Variants in NOX4 observed in about 807,000 individuals in gnomAD.
NOX4 encodes kidney oxidase-1.
NOX4 carries 69 observed loss-of-function variants against 87.6 expected under a neutral mutation model. The observed-to-expected ratio is 0.79, with a 90% CI of 0.65 to 0.96. NOX4 has a LOEUF of 0.96. Ranked by LOEUF, NOX4 falls within the 40% of genes least tolerant of loss-of-function variation. The probability of loss-of-function intolerance (pLI) is 0.00; values close to 1 mark genes in which losing one functional copy is unlikely to be tolerated. For synonymous variants in NOX4, 275 were observed against 238.2 expected (o/e 1.15, Z -1.42); for missense variants, 680 against 681.5 (o/e 1.00, Z 0.02).
chr11:89,485,803 G>A (rs529670207), intron 2 of NOX4, among the ~76,000 whole-genome samples: 11 of 152,048 alleles, frequency 7.2e-5, no homozygotes, highest in Admixed American at 3.9e-4. Flanking sequence ...TGCTTGTTTC[G>A]GTGTTCATTT....
At chr11:89,424,290 A>G (rs1256868857) in intron 7 of NOX4, among the ~76,000 whole-genome samples, 1 of 151,400 alleles carries the variant, frequency 6.6e-6, no homozygotes, top group African/African-American at 2.4e-5. Context: ...TTTATATCCA[A>G]TTACCTTTTC....
rs544844807 is a variant in NOX4 at position 89,405,243 on chromosome 11, T to C, written c.630-2701A>G. Among the ~76,000 whole-genome samples, 3 of 151,772 alleles carry C rather than the reference T, an allele frequency of 2.0e-5. No individual in the cohort carries two copies. The South Asian group carries it at 6.2e-4, about 31-fold the overall frequency. On this transcript the variant is annotated intron_variant, in intron 8 of 17. Coordinates refer to ENST00000263317, the MANE Select transcript of NOX4 (RefSeq NM_016931.5). ...CTCTAGGTCCTTAGAGTAGTGAATG[T>C]TGTTACTATACAGTAAAGTTCTTCA...
At chr11:89,526,285 G>C in the NOX4 span, among the ~76,000 whole-genome samples, 3 of 151,830 alleles carry the variant, frequency 2.0e-5, no homozygotes, top group East Asian at 5.8e-4. Flanking sequence ...CACATTTATG[G>C]GGTACATCTG....
intron 12 of NOX4, among the ~76,000 whole-genome samples, chr11:89,369,607 G>C (rs1367684534): frequency 6.6e-6 from 1 of 152,088 alleles, no homozygotes; most frequent in African/African-American, 2.4e-5. Flanking sequence ...ACAACAAAAA[G>C]AGTACTTCCA....
the NOX4 span, among the ~76,000 whole-genome samples, chr11:89,527,886 G>A: frequency 6.6e-6 from 1 of 152,200 alleles, no homozygotes; most frequent in Non-Finnish European, 1.5e-5. Flanking sequence ...TCTGAGAAGA[G>A]GACCATCATC....
chr11:89,498,469 G>T (rs377766391), upstream of NOX4, among the ~76,000 whole-genome samples: 19 of 152,262 alleles, frequency 1.2e-4, 1 homozygote, highest in East Asian at 3.1e-3. Flanking sequence ...GCTGAAACTT[G>T]TTCACCGAAG....
At chr11:89,393,857 G>A (rs1256048974) in intron 11 of NOX4, among the ~76,000 whole-genome samples, 1 of 152,108 alleles carries the variant, frequency 6.6e-6, no homozygotes, top group East Asian at 1.9e-4. Flanking sequence ...TAAAATCCTT[G>A]CCCTTTGTCT....
chr11:89,503,033 A>C (rs987786369), upstream of NOX4, among the ~76,000 whole-genome samples: 1 of 152,048 alleles, frequency 6.6e-6, no homozygotes, highest in African/African-American at 2.4e-5. Context: ...TAAATGAAAA[A>C]TACCCTTTAT....
At chr11:89,581,622 A>G in the NOX4 span, among the ~76,000 whole-genome samples, 13 of 152,152 alleles carry the variant, frequency 8.5e-5, no homozygotes, top group Non-Finnish European at 1.5e-4. Flanking sequence ...GGAAGGGACA[A>G]GGGAAGGAAT....
the NOX4 span, among the ~76,000 whole-genome samples, chr11:89,559,763 C>T: frequency 6.6e-6 from 1 of 151,968 alleles, no homozygotes; most frequent in Non-Finnish European, 1.5e-5. Flanking sequence ...TAACAATTGA[C>T]CCTCAGGAGC....
intron 7 of NOX4, among the ~76,000 whole-genome samples, chr11:89,431,798 C>G (rs1340408800): frequency 2.6e-5 from 4 of 152,138 alleles, no homozygotes; most frequent in African/African-American, 7.2e-5. Flanking sequence ...TGTGGCGATT[C>G]CTCAGGGATC....
In NOX4 at chr11:89,326,794, C is replaced by T; in HGVS notation, c.1699G>A (p.Gly567Arg). 6.2e-7 allele frequency: 1 copy of T among 1,613,362 alleles called. No homozygotes were observed. The highest frequency in any genetic ancestry group is 8.5e-7 in the Non-Finnish European group (1 of 1,179,552). ...TCTTTATTGTATTCAAATCTTGTCC[C>T]ATATGAGTTGTTCTGGTTACTCAGT... ...HKLSNQNNSY[G>R]TRFEYNKESF... is the part of the protein sequence containing the mutation. The change falls in exon 18 of 18, where the codon GGG becomes AGG. Residue 567 changes from glycine to arginine, a missense_variant. By Grantham distance (125) the Gly-to-Arg change is moderately radical (BLOSUM62 -2). Coordinates refer to ENST00000263317, the MANE Select transcript of NOX4 (RefSeq NM_016931.5).
chr11:89,392,337 C>A (rs1301288890), intron 11 of NOX4, among the ~76,000 whole-genome samples: 3 of 152,046 alleles, frequency 2.0e-5, no homozygotes, highest in African/African-American at 7.2e-5. Context: ...GAGTGAAGGC[C>A]CGGGGTGAGA....
intron 13 of NOX4, among the ~76,000 whole-genome samples, chr11:89,348,755 G>T (rs556424556): frequency 6.6e-6 from 1 of 151,920 alleles, no homozygotes; most frequent in African/African-American, 2.4e-5. Flanking sequence ...ATCCCTCAAT[G>T]ACCCACCACT....
the NOX4 span, among the ~76,000 whole-genome samples, chr11:89,570,058 T>C: frequency 6.6e-5 from 10 of 151,090 alleles, no homozygotes; most frequent in East Asian, 5.8e-4. Context: ...GACACATTAA[T>C]GCATATGTTT....
intron 11 of NOX4, among the ~76,000 whole-genome samples, chr11:89,378,338 G>A (rs1220748498): frequency 6.6e-6 from 1 of 151,846 alleles, no homozygotes; most frequent in African/African-American, 2.4e-5. Flanking sequence ...CATTTCTTAG[G>A]TTGAATCCCA....
rs537817192 is a variant in NOX4, at chr11:89,490,270, G to C, written c.153+188C>G. On this transcript the variant is annotated intron_variant, in intron 2 of 17. Coordinates refer to ENST00000263317, the MANE Select transcript of NOX4 (RefSeq NM_016931.5). ...CAGATATTACCTTTGGTTCTTGAGA[G>C]AGTCAATCTTTTTAACTTGTACAAG... 2.6e-5 allele frequency among the ~76,000 whole-genome samples: 4 copies of C among 152,330 alleles called. No homozygotes were observed. In the East Asian group the frequency reaches 7.7e-4, roughly 29 times the overall value.
At chr11:89,452,000 G>T in intron 2 of NOX4, 105 bp from the exon 3 acceptor site, 1 of 703,578 alleles carries the variant, frequency 1.4e-6, no homozygotes, top group South Asian at 1.7e-5. Flanking sequence ...TAAGAATCAT[G>T]CCAAATACCA....
chr11:89,326,819 T>A lies in NOX4; in HGVS notation c.1674A>T (p.Lys558Asn). The change falls in exon 18 of 18, where the codon AAA (lysine) becomes AAT (asparagine). Residue 558 changes from lysine to asparagine, a missense_variant. Physicochemically the swap from Lys to Asn is moderately conservative, Grantham distance 94. Coordinates refer to ENST00000263317, the MANE Select transcript of NOX4 (RefSeq NM_016931.5). ...CATATGAGTTGTTCTGGTTACTCAG[T>A]TTATGAAGAGTCTTGGATAGTGAAT... ...GPNSLSKTLH[K>N]LSNQNNSYGT... The A allele has an allele frequency of 6.2e-7, 1 of 1,613,128 alleles. No homozygotes were observed. Among genetic ancestry groups the A allele is most frequent in the South Asian group, 1.1e-5 (1 of 91,054 alleles).
Sources: gnomAD v4.1 joint callset for allele counts (sites outside exome capture counted in the v4.1 genomes callset) on GRCh38, gnomAD v4.1.1 for gene constraint, MANE v1.5 for transcripts, NCBI Gene and HGNC (gene_info 2026-07-23, HGNC 2026-07-21) for gene names.